PRMT8: variants seen among roughly 807,000 people sequenced by gnomAD.
PRMT8 encodes the protein protein arginine N-methyltransferase 8.
A neutral mutation model predicts 47.1 loss-of-function variants in PRMT8; 7 were observed. The ratio of observed to expected loss-of-function variants is 0.15; its 90% CI spans 0.08 to 0.28. The LOEUF (loss-of-function observed/expected upper bound fraction) is 0.28, where lower values mean the gene tolerates loss of function less well. PRMT8 is among the 10% of genes least tolerant of loss of function. PRMT8 has a pLI of 1.00. For synonymous variants in PRMT8, 188 were observed against 186.5 expected, an observed-to-expected ratio of 1.01 and a Z score of -0.07; for missense variants, 237 against 505.4, an observed-to-expected ratio of 0.47 and a Z score of 5.09.
intron 2 of PRMT8, among the ~76,000 whole-genome samples, chr12:3,549,142 T>A (rs1445751139): frequency 2.6e-5 from 4 of 152,200 alleles, no homozygotes; most frequent in African/African-American, 9.6e-5. Context: ...CAAAAGGGCA[T>A]GAAGGACTTT....
chr12:3,435,580 G>T (rs1864731549), intron 1 of PRMT8, among the ~76,000 whole-genome samples: 1 of 147,062 alleles, frequency 6.8e-6, no homozygotes, highest in South Asian at 2.2e-4. Context: ...GGAGTGCAGT[G>T]GCGCAGTGTT....
At chr12:3,444,023 C>T (rs1481827355) in intron 1 of PRMT8, among the ~76,000 whole-genome samples, 3 of 152,212 alleles carry the variant, frequency 2.0e-5, no homozygotes, top group Non-Finnish European at 4.4e-5. Flanking sequence ...TCTATCACAT[C>T]TCCCTGTTAT....
intron 4 of PRMT8, among the ~76,000 whole-genome samples, chr12:3,559,272 A>G (rs1191296712): frequency 6.6e-6 from 1 of 152,122 alleles, no homozygotes; most frequent in Non-Finnish European, 1.5e-5. Context: ...TTTCCAGCAC[A>G]AGACATTCCA....
chr12:3,491,233 A>C lies in PRMT8; in HGVS notation c.-393A>C. 1 of 1,008,758 alleles carries C rather than the reference A, an allele frequency of 9.9e-7. No homozygotes were observed. Among genetic ancestry groups the C allele is most frequent in the Non-Finnish European group, 1.2e-6 (1 of 845,228 alleles). The allele number at this position is 1,008,758 out of a possible 1,614,324, so 62.5% of individuals were successfully genotyped here. A position where few individuals can be genotyped will look rare whatever the true frequency, so the allele number is the denominator to read the frequency against. On this transcript the variant is annotated 5_prime_UTR_variant, in exon 1 of 10. Transcript: ENST00000382622. Reference sequence around the variant, plus strand: ...GCCCAGCGGATCGGCAGAAGTTGAGAGGAGTTGGCGGCTGCCTCCGGCCGG... The same window carrying C: ...GCCCAGCGGATCGGCAGAAGTTGAGCGGAGTTGGCGGCTGCCTCCGGCCGG...
chr12:3,445,642 T>C (rs1186352011), intron 1 of PRMT8, among the ~76,000 whole-genome samples: 4 of 152,194 alleles, frequency 2.6e-5, no homozygotes, highest in African/African-American at 9.7e-5. Flanking sequence ...GCTTGCCTGA[T>C]GGGCTTAAAA....
At chr12:3,469,557 G>A (rs1002089019) in intron 1 of PRMT8, among the ~76,000 whole-genome samples, 12 of 152,160 alleles carry the variant, frequency 7.9e-5, no homozygotes, top group African/African-American at 2.7e-4. Context: ...CATGGTTGCC[G>A]GGGGTTAGGG....
At chr12:3,563,283 G>C (rs552988727) in intron 4 of PRMT8, among the ~76,000 whole-genome samples, 1 of 152,030 alleles carries the variant, frequency 6.6e-6, no homozygotes, top group Non-Finnish European at 1.5e-5. Context: ...CCTCAAGAGA[G>C]CCAGAGCGGG....
At chr12:3,536,825 G>T (rs1449433652) in intron 1 of PRMT8, among the ~76,000 whole-genome samples, 1 of 152,170 alleles carries the variant, frequency 6.6e-6, no homozygotes, top group Non-Finnish European at 1.5e-5. Flanking sequence ...TCATATTTTT[G>T]TGTAATCAAA....
At chr12:3,447,360 G>T (rs1009790199) in intron 1 of PRMT8, among the ~76,000 whole-genome samples, 2 of 152,100 alleles carry the variant, frequency 1.3e-5, no homozygotes, top group Admixed American at 6.5e-5. Context: ...CATTTGTTTT[G>T]TTGGGGGTGC....
At chr12:3,464,535 C>T (rs1388821564) in intron 1 of PRMT8, among the ~76,000 whole-genome samples, 6 of 152,066 alleles carry the variant, frequency 3.9e-5, no homozygotes, top group African/African-American at 9.7e-5. Flanking sequence ...TTTCCAAGTA[C>T]ACATGCATTC....
intron 1 of PRMT8, among the ~76,000 whole-genome samples, chr12:3,417,430 A>G (rs1171221060): frequency 6.6e-6 from 1 of 152,266 alleles, no homozygotes; most frequent in Non-Finnish European, 1.5e-5. Flanking sequence ...GAGAATGCAG[A>G]GGAGCGTCCA....
Position 3,557,985 on chromosome 12 carries a change from C to A in PRMT8, c.481+4271C>A, listed in dbSNP as rs953218594. On this transcript the variant is annotated intron_variant, in intron 4 of 9. Transcript: ENST00000382622. The surrounding 1 kb of genome is among the most constrained non-coding windows in gnomAD (Gnocchi z 4.7). ...ACCTCTGACCCAGCCCCTGACTCTT[C>A]GTCTCCCTCTCAGTGCCAGCCCACC... 6.6e-6 allele frequency among the ~76,000 whole-genome samples: 1 copy of A among 152,134 alleles called. No individual in the cohort carries two copies. Among genetic ancestry groups the A allele is most frequent in the Admixed American group, 6.5e-5 (1 of 15,280 alleles).
At chr12:3,516,923 T>C (rs1305901722) in intron 1 of PRMT8, among the ~76,000 whole-genome samples, 1 of 152,052 alleles carries the variant, frequency 6.6e-6, no homozygotes, top group African/African-American at 2.4e-5. Flanking sequence ...GCTACTTAGG[T>C]CATATGTCAA....
intron 1 of PRMT8, among the ~76,000 whole-genome samples, chr12:3,446,150 C>G (rs1164259930): frequency 6.6e-6 from 1 of 152,182 alleles, no homozygotes; most frequent in Non-Finnish European, 1.5e-5. Flanking sequence ...ATGAATGACA[C>G]TAGACCACCA....
chr12:3,444,459 G>A (rs556998515), intron 1 of PRMT8, among the ~76,000 whole-genome samples: 1 of 152,352 alleles, frequency 6.6e-6, no homozygotes, highest in East Asian at 1.9e-4. Context: ...GAGGGGCAAG[G>A]AGCTTTCCTC....
rs528365339 is a variant in PRMT8 at position 3,588,979 on chromosome 12, C to T, written c.980-3252C>T. Among the ~76,000 whole-genome samples, 3 of 152,288 alleles carry T rather than the reference C, an allele frequency of 2.0e-5. No individual in the cohort carries two copies. In the South Asian group the frequency reaches 6.2e-4, roughly 32 times the overall value. On this transcript the variant is annotated intron_variant, in intron 8 of 9. Coordinates refer to ENST00000382622, the MANE Select transcript of PRMT8 (RefSeq NM_019854.5). ...GAGCGCCCACCCTTGTGCACGGTGA[C>T]ATTCTGGATGTTTTCCAAGACATTC...
intron 1 of PRMT8, among the ~76,000 whole-genome samples, chr12:3,480,279 G>T (rs534428670): frequency 6.6e-6 from 1 of 152,162 alleles, no homozygotes; most frequent in African/African-American, 2.4e-5. Flanking sequence ...AGGTAGGGTT[G>T]GTTATTCTTG....
chr12:3,431,937 G>A (rs908405797), intron 1 of PRMT8, among the ~76,000 whole-genome samples: 21 of 152,214 alleles, frequency 1.4e-4, no homozygotes, highest in African/African-American at 4.8e-4. Flanking sequence ...GAATGCTTTC[G>A]GCAGGCAGTG....
At chr12:3,392,911 G>T (rs1025445969) in intron 1 of PRMT8, among the ~76,000 whole-genome samples, 4 of 152,170 alleles carry the variant, frequency 2.6e-5, no homozygotes, top group Non-Finnish European at 4.4e-5. Flanking sequence ...ATTCTAACTG[G>T]TGTGAGATGG....
Sources: allele counts gnomAD v4.1 joint callset (sites outside exome capture counted in the v4.1 genomes callset), GRCh38; gene constraint gnomAD v4.1.1; non-coding constraint Gnocchi (gnomAD v3.1); transcripts MANE v1.5; gene names NCBI Gene and HGNC (gene_info 2026-07-23, HGNC 2026-07-21).